Variants in NEMP1 observed in about 807,000 individuals in gnomAD.
NEMP1 encodes the protein nuclear envelope integral membrane protein 1, also known as transmembrane protein 194.
Under a neutral mutation model 53.7 loss-of-function variants are expected in NEMP1, and 29 were observed. The observed-to-expected ratio is 0.54, with a 90% CI of 0.40 to 0.74. The LOEUF is 0.74. NEMP1 is among the 30% of genes least tolerant of loss of function. The pLI, the probability that NEMP1 is intolerant of heterozygous loss-of-function variation, is 0.00. For missense variants in NEMP1, 477 were observed against 528.6 expected, an observed-to-expected ratio of 0.90 and a Z score of 0.96; for synonymous variants, 193 against 192.9, an observed-to-expected ratio of 1.00 and a Z score of 0.00.
chr12:57,064,353 G>T (rs1012817208), intron 5 of NEMP1, among the ~76,000 whole-genome samples, 168 bp from the exon 6 acceptor site: 2 of 152,112 alleles, frequency 1.3e-5, no homozygotes, highest in Non-Finnish European at 2.9e-5. Flanking sequence ...GGTACAGTCT[G>T]CAACGAACAC....
chr12:57,056,075 C>G lies in NEMP1; in HGVS notation c.*3804G>C, dbSNP rs559551849. The G allele has an allele frequency of 9.9e-5, 15 of 152,200 alleles. No homozygotes were observed. The highest frequency in any genetic ancestry group is 1.9e-4 in the Non-Finnish European group (13 of 68,038). The allele number at this position is 152,200 out of a possible 1,614,324, so 9.4% of individuals were successfully genotyped here. On this transcript the variant is annotated 3_prime_UTR_variant, in exon 9 of 9. Coordinates refer to ENST00000300128, the MANE Select transcript of NEMP1 (RefSeq NM_001130963.2). The stretch of plus-strand genomic sequence containing the variant: ...GTGTGAAAGAGGAAGATGACACACA[C>G]GTGGGATGGTGTGGAAATCCAAAGC...
chr12:57,064,186 C>T lies in NEMP1; in HGVS notation c.640-1G>A. On this transcript the variant is annotated splice_acceptor_variant, in intron 5 of 8. Coordinates refer to ENST00000300128, the MANE Select transcript of NEMP1 (RefSeq NM_001130963.2). LOFTEE classifies it high-confidence loss of function. ...CCAGGATGACGTAAATGGGACTTTTCTAAGACAGAGAGTAGAAGTGAAAGC... is the reference window on the plus strand; with the variant it reads ...CCAGGATGACGTAAATGGGACTTTTTTAAGACAGAGAGTAGAAGTGAAAGC... 6.3e-7 allele frequency: 1 copy of T among 1,587,548 alleles called. No individual in the cohort carries two copies. Among genetic ancestry groups the T allele is most frequent in the East Asian group, 2.3e-5 (1 of 43,850 alleles).
chr12:57,060,633 T>C lies in NEMP1; in HGVS notation c.1154+139A>G, dbSNP rs1300541502. 7 of 825,370 alleles carry C rather than the reference T, an allele frequency of 8.5e-6. No individual in the cohort carries two copies. The South Asian group carries it at 1.1e-4, about 13-fold the overall frequency. The allele number at this position is 825,370 out of a possible 1,614,324, so 51.1% of individuals were successfully genotyped here. A position where few individuals can be genotyped will look rare whatever the true frequency, so the allele number is the denominator to read the frequency against. On this transcript the variant is annotated intron_variant, in intron 8 of 8. Transcript: ENST00000300128. Reference sequence around the variant, plus strand: ...TTACTGCTTAATGTGTGATTATATATCCACCCTTCTCTTGACTACTTGAAG... The same window carrying C: ...TTACTGCTTAATGTGTGATTATATACCCACCCTTCTCTTGACTACTTGAAG...
chr12:57,071,535 T>G (rs1008613595), intron 2 of NEMP1, among the ~76,000 whole-genome samples: 1 of 152,080 alleles, frequency 6.6e-6, no homozygotes, highest in Non-Finnish European at 1.5e-5. Context: ...TGCGCCACCA[T>G]GCCCAGTTAA....
chr12:57,064,642 T>C lies in NEMP1; in HGVS notation c.639+4A>G. 1.9e-6 allele frequency: 3 copies of C among 1,600,494 alleles called. No individual in the cohort carries two copies. Among genetic ancestry groups the C allele is most frequent in the Non-Finnish European group, 2.6e-6 (3 of 1,171,672 alleles). ...TAGCTGCACATGAAGATTCTGATAC[T>C]TACCTTAGGCATAAACTTAGATAGT... On this transcript the variant is annotated splice_donor_region_variant and intron_variant, in intron 5 of 8. Transcript: ENST00000300128.
chr12:57,067,449 A>G (rs1002889145), intron 4 of NEMP1, among the ~76,000 whole-genome samples: 1 of 151,590 alleles, frequency 6.6e-6, no homozygotes, highest in Non-Finnish European at 1.5e-5. Flanking sequence ...TAATCATATG[A>G]AAAAGTTTGA....
At chr12:57,087,587 C>T (rs2033049206) in intron 1 of NEMP1, among the ~76,000 whole-genome samples, 1 of 152,096 alleles carries the variant, frequency 6.6e-6, no homozygotes, top group East Asian at 1.9e-4. Flanking sequence ...CTGTGTTTGG[C>T]GCTTAATAGG....
At chr12:57,072,754 A>C (rs1215361282) in intron 2 of NEMP1, 34 bp downstream of exon 2, 1 of 1,560,748 alleles carries the variant, frequency 6.4e-7, no homozygotes, top group African/African-American at 1.4e-5. Flanking sequence ...AAATTTACAG[A>C]AGCTGCCACT....
intron 4 of NEMP1, 87 bp downstream of exon 4, chr12:57,069,146 TG>T: frequency 1.2e-6 from 1 of 819,564 alleles, no homozygotes; most frequent in African/African-American, 1.8e-5. Flanking sequence ...GTCCTGGAAA[TG>T]GGAATGGCAG....
intron 1 of NEMP1, among the ~76,000 whole-genome samples, chr12:57,076,151 T>C (rs2032608582): frequency 6.6e-6 from 1 of 151,770 alleles, no homozygotes; most frequent in African/African-American, 2.4e-5. Flanking sequence ...CTTACAACAA[T>C]GAAAAACTAG....
At chr12:57,061,870 G>A (rs1307951409) in intron 7 of NEMP1, among the ~76,000 whole-genome samples, 1 of 149,394 alleles carries the variant, frequency 6.7e-6, no homozygotes, top group Non-Finnish European at 1.5e-5. Flanking sequence ...ATGGTGGCAT[G>A]TACCTGTAAC....
At chr12:57,073,940 A>G (rs941990406) in intron 1 of NEMP1, among the ~76,000 whole-genome samples, 2 of 152,128 alleles carry the variant, frequency 1.3e-5, no homozygotes, top group African/African-American at 2.4e-5. Flanking sequence ...TTTCCTGAGT[A>G]GAACAGAATT....
chr12:57,080,585 GAA>G (rs34664557), upstream of NEMP1, among the ~76,000 whole-genome samples: 1 of 137,522 alleles, frequency 7.3e-6, no homozygotes, highest in African/African-American at 2.7e-5. Flanking sequence ...TCTCAAAAGA[GAA>G]AAAAAAAAAA....
intron 4 of NEMP1, among the ~76,000 whole-genome samples, chr12:57,067,217 G>A (rs1592505547): frequency 6.6e-6 from 1 of 152,002 alleles, no homozygotes; most frequent in Admixed American, 6.6e-5. Flanking sequence ...CCAGCTACTC[G>A]GGAGGCTGAG....
intron 1 of NEMP1, among the ~76,000 whole-genome samples, chr12:57,076,812 A>C (rs1380606584): frequency 6.6e-6 from 1 of 151,714 alleles, no homozygotes; most frequent in Non-Finnish European, 1.5e-5. Flanking sequence ...CTCAAAAAAA[A>C]AAAAATTAGC....
upstream of NEMP1, among the ~76,000 whole-genome samples, chr12:57,080,170 T>A (rs539372149): frequency 6.6e-6 from 1 of 152,342 alleles, no homozygotes; most frequent in East Asian, 1.9e-4. Flanking sequence ...CTTGCTATGT[T>A]GCCCAGGCTG....
upstream of NEMP1, among the ~76,000 whole-genome samples, chr12:57,081,129 A>C (rs1338965320): frequency 6.6e-6 from 1 of 152,196 alleles, no homozygotes. Context: ...AAAACCCATA[A>C]CACCACTCTA....
chr12:57,058,608 G>A lies in NEMP1; in HGVS notation c.*1271C>T, dbSNP rs1050547647. The A allele has an allele frequency of 6.6e-6, 1 of 152,170 alleles. No individual in the cohort carries two copies. Among genetic ancestry groups the A allele is most frequent in the Non-Finnish European group, 1.5e-5 (1 of 68,028 alleles). The allele number at this position is 152,170 out of a possible 1,614,324, so 9.4% of individuals were successfully genotyped here. ...CAATAACAGGCAGCATACATCTCAG[G>A]TCAGAAACGCAATCATAAATAAGTG... On this transcript the variant is annotated 3_prime_UTR_variant, in exon 9 of 9. Coordinates refer to ENST00000300128, the MANE Select transcript of NEMP1 (RefSeq NM_001130963.2).
upstream of NEMP1, among the ~76,000 whole-genome samples, chr12:57,088,315 T>C (rs2033076854): frequency 6.6e-6 from 1 of 152,192 alleles, no homozygotes; most frequent in Non-Finnish European, 1.5e-5. Flanking sequence ...CTTTCCAGGC[T>C]AGCATGGAGG....
Sources: gnomAD v4.1 joint callset for allele counts (sites outside exome capture counted in the v4.1 genomes callset) on GRCh38, gnomAD v4.1.1 for gene constraint, MANE v1.5 for transcripts, NCBI Gene and HGNC (gene_info 2026-07-23, HGNC 2026-07-21) for gene names.